Variants in UBE3D observed in about 807,000 individuals in gnomAD.
UBE3D encodes the protein ubiquitin protein ligase E3D.
A neutral mutation model predicts 49.6 loss-of-function variants in UBE3D; 48 were observed. The observed-to-expected ratio is 0.97, with a 90% confidence interval of 0.77 to 1.23. UBE3D has a LOEUF of 1.23. UBE3D is among the 50% of genes most tolerant of loss of function. UBE3D has a pLI of 0.00. For synonymous variants in UBE3D, 189 were observed against 174.2 expected, an observed-to-expected ratio of 1.08 and a Z score of -0.67; for missense variants, 452 against 468.4, an observed-to-expected ratio of 0.96 and a Z score of 0.32.
chr6:83,045,697 A>G (rs1782978285), intron 3 of UBE3D, among the ~76,000 whole-genome samples: 1 of 152,172 alleles, frequency 6.6e-6, no homozygotes, highest in Non-Finnish European at 1.5e-5. Flanking sequence ...TTACAAAGGT[A>G]GTGTATTAGT....
intron 8 of UBE3D, among the ~76,000 whole-genome samples, chr6:82,980,623 A>C (rs1284609577): frequency 6.6e-6 from 1 of 151,968 alleles, no homozygotes; most frequent in African/African-American, 2.4e-5. Context: ...TCTGCTTTTG[A>C]GGGCTTAGTC....
chr6:83,055,587 G>C (rs915558957), intron 2 of UBE3D, among the ~76,000 whole-genome samples: 1 of 152,142 alleles, frequency 6.6e-6, no homozygotes. Context: ...GCACTGGGTC[G>C]GGTTTAAAAT....
intron 8 of UBE3D, among the ~76,000 whole-genome samples, chr6:82,999,041 A>C (rs1363087080): frequency 6.6e-6 from 1 of 152,216 alleles, no homozygotes; most frequent in African/African-American, 2.4e-5. Flanking sequence ...CCAAATGACC[A>C]TTTTAAATCT....
intron 4 of UBE3D, among the ~76,000 whole-genome samples, chr6:83,041,258 A>G (rs971228500): frequency 6.6e-6 from 1 of 152,186 alleles, no homozygotes; most frequent in Non-Finnish European, 1.5e-5. Flanking sequence ...TTTGTCTTTC[A>G]AGGGGGCAGG....
At chr6:83,013,025 C>T (rs796681903) in intron 8 of UBE3D, among the ~76,000 whole-genome samples, 11 of 152,218 alleles carry the variant, frequency 7.2e-5, no homozygotes, top group African/African-American at 2.6e-4. Context: ...GAAGAGAAGG[C>T]AGGGTGGTAG....
chr6:82,927,983 A>G (rs1175965539), intron 9 of UBE3D, among the ~76,000 whole-genome samples: 2 of 151,922 alleles, frequency 1.3e-5, no homozygotes, highest in African/African-American at 4.8e-5. Flanking sequence ...ATCATTATAT[A>G]TTTTTTCAAA....
intron 9 of UBE3D, among the ~76,000 whole-genome samples, chr6:82,929,796 T>C (rs961282063): frequency 1.3e-5 from 2 of 152,172 alleles, no homozygotes; most frequent in African/African-American, 4.8e-5. Flanking sequence ...AGAATTCCCA[T>C]ATTCCCTCTG....
At chr6:83,031,170 G>T (rs1411830404) in intron 5 of UBE3D, among the ~76,000 whole-genome samples, 1 of 152,096 alleles carries the variant, frequency 6.6e-6, no homozygotes, top group Non-Finnish European at 1.5e-5. Flanking sequence ...AATATGCCTG[G>T]CTAATATTTG....
chr6:83,032,259 A>G (rs1230214095), intron 5 of UBE3D: 3 of 455,686 alleles, frequency 6.6e-6, no homozygotes, highest in Non-Finnish European at 1.3e-5. Flanking sequence ...AACCACAGGA[A>G]CAGAGCTGTT....
intron 9 of UBE3D, among the ~76,000 whole-genome samples, chr6:82,953,951 A>T (rs1440410141): frequency 6.6e-6 from 1 of 152,188 alleles, no homozygotes; most frequent in Non-Finnish European, 1.5e-5. Context: ...GGTGCAGAGT[A>T]TTCTCCCAGT....
At chr6:83,025,489 G>A (rs1197352009) in intron 5 of UBE3D, among the ~76,000 whole-genome samples, 1 of 151,632 alleles carries the variant, frequency 6.6e-6, no homozygotes, top group Non-Finnish European at 1.5e-5. Flanking sequence ...GTGTACTGCT[G>A]GATACGCTTA....
At chr6:82,933,187 C>T (rs1189102047) in intron 9 of UBE3D, among the ~76,000 whole-genome samples, 1 of 152,126 alleles carries the variant, frequency 6.6e-6, no homozygotes, top group Non-Finnish European at 1.5e-5. Flanking sequence ...TGGTGATAAG[C>T]ACCTGAAAGA....
chr6:83,056,101 G>C (rs1783798439), intron 2 of UBE3D, among the ~76,000 whole-genome samples: 1 of 152,160 alleles, frequency 6.6e-6, no homozygotes, highest in Non-Finnish European at 1.5e-5. Flanking sequence ...TCAGCACATA[G>C]CAGTCAATTT....
At chr6:82,886,918 A>T in the UBE3D span, among the ~76,000 whole-genome samples, 54 of 152,246 alleles carry the variant, frequency 3.5e-4, no homozygotes, top group African/African-American at 1.2e-3. Flanking sequence ...TATTTCAAGA[A>T]TTTTTTTAAC....
At chr6:82,968,337 C>A (rs1179938313) in intron 8 of UBE3D, among the ~76,000 whole-genome samples, 1 of 147,580 alleles carries the variant, frequency 6.8e-6, no homozygotes, top group Admixed American at 6.8e-5. Flanking sequence ...CACCCCATCA[C>A]TGATCTCTCA....
At chr6:82,932,484 C>T (rs768201649) in intron 9 of UBE3D, 8 of 152,072 alleles carry the variant, frequency 5.3e-5, no homozygotes, top group African/African-American at 1.9e-4. Flanking sequence ...GTCATTTTCC[C>T]AGCATTTTAA....
chr6:83,065,009 A>G (rs1356107923), intron 1 of UBE3D, among the ~76,000 whole-genome samples: 1 of 152,218 alleles, frequency 6.6e-6, no homozygotes, highest in Non-Finnish European at 1.5e-5. Flanking sequence ...CAAAATAGAG[A>G]ACATTTTTCC....
chr6:83,063,427 A>AG (rs1562242181), intron 1 of UBE3D, among the ~76,000 whole-genome samples: 1 of 150,256 alleles, frequency 6.7e-6, no homozygotes, highest in Non-Finnish European at 1.5e-5. Flanking sequence ...AAAAAAAAAA[A>AG]AAAAAAAAAA....
At chr6:83,038,931 A>G (rs1167749005) in intron 4 of UBE3D, among the ~76,000 whole-genome samples, 1 of 152,010 alleles carries the variant, frequency 6.6e-6, no homozygotes, top group Non-Finnish European at 1.5e-5. Context: ...TGTAAAAGTA[A>G]CCCATAACCC....
Sources: allele counts gnomAD v4.1 joint callset (sites outside exome capture counted in the v4.1 genomes callset), GRCh38; gene constraint gnomAD v4.1.1; transcripts MANE v1.5; gene names NCBI Gene and HGNC (gene_info 2026-07-23, HGNC 2026-07-21).